The following PPP2R1A variants were observed in gnomAD, a reference collection of about 807,000 sequenced individuals.
The protein encoded by PPP2R1A is protein phosphatase 2 scaffold subunit Aalpha.
A neutral mutation model predicts 67.1 loss-of-function variants in PPP2R1A; 15 were observed. That is an observed-to-expected ratio of 0.22 (90% CI 0.15 to 0.34). The LOEUF (loss-of-function observed/expected upper bound fraction) is 0.34, where lower values mean the gene tolerates loss of function less well. Ranked by LOEUF, PPP2R1A falls within the 10% of genes least tolerant of loss-of-function variation. The probability of loss-of-function intolerance (pLI) is 1.00; values close to 1 mark genes in which losing one functional copy is unlikely to be tolerated. For synonymous variants in PPP2R1A, 337 were observed against 325.0 expected (o/e 1.04, Z -0.40); for missense variants, 369 against 775.0 (o/e 0.48, Z 6.22).
chr19:52,219,655 T>C lies in PPP2R1A; in HGVS notation c.1129-36T>C. ...ATCCTGTCCTGGGTTGCTGTGTGCA[T>C]TGCATTCTCTCAGAATCCTTCTTTC... is the stretch of plus-strand genomic sequence containing the variant. On this transcript the variant is annotated intron_variant, in intron 9 of 14. Transcript: ENST00000322088. This position sits in a 1 kb window ranked among gnomAD's most constrained non-coding sequence, Gnocchi z 4.0. 1 of 1,579,996 alleles carries C rather than the reference T, an allele frequency of 6.3e-7. No individual in the cohort carries two copies. Among genetic ancestry groups the C allele is most frequent in the Non-Finnish European group, 8.7e-7 (1 of 1,155,830 alleles).
intron 10 of PPP2R1A, 24 bp from the exon 11 acceptor site, chr19:52,220,165 T>C: frequency 6.2e-7 from 1 of 1,612,488 alleles, no homozygotes; most frequent in Non-Finnish European, 8.5e-7. Flanking sequence ...ACGCTTACCT[T>C]GGAACCCTTG....
chr19:52,206,952 C>G (rs1299000660), intron 3 of PPP2R1A, among the ~76,000 whole-genome samples: 1 of 151,980 alleles, frequency 6.6e-6, no homozygotes, highest in Non-Finnish European at 1.5e-5. Context: ...TTAGCAGCAG[C>G]CTTTCTCCTA....
rs1180438983 is a variant in PPP2R1A, at chr19:52,213,434, C to T, written c.807+324C>T. 6.7e-6 allele frequency among the ~76,000 whole-genome samples: 1 copy of T among 148,482 alleles called. No homozygotes were observed. Among genetic ancestry groups the T allele is most frequent in the Non-Finnish European group, 1.5e-5 (1 of 67,482 alleles). Reference sequence around the variant, plus strand: ...GTCCTTTCACAAAGGGGAAGACAGCCCAAAAAGGTGGGGTTTTTTGGTGTT... The same window carrying T: ...GTCCTTTCACAAAGGGGAAGACAGCTCAAAAAGGTGGGGTTTTTTGGTGTT... On this transcript the variant is annotated intron_variant, in intron 6 of 14. Coordinates refer to ENST00000322088, the MANE Select transcript of PPP2R1A (RefSeq NM_014225.6). The surrounding 1 kb of genome is among the most constrained non-coding windows in gnomAD (Gnocchi z 4.2).
chr19:52,205,054 C>T (rs1361232390), intron 2 of PPP2R1A, among the ~76,000 whole-genome samples: 1 of 152,236 alleles, frequency 6.6e-6, no homozygotes, highest in Non-Finnish European at 1.5e-5. Context: ...CCACCACTTA[C>T]ACTCACACCC....
chr19:52,208,691 G>T (rs1463694190), intron 3 of PPP2R1A, among the ~76,000 whole-genome samples: 1 of 151,968 alleles, frequency 6.6e-6, no homozygotes, highest in Non-Finnish European at 1.5e-5. Flanking sequence ...GTAGAGACAG[G>T]GTTTCACCAT....
intron 1 of PPP2R1A, among the ~76,000 whole-genome samples, chr19:52,193,632 C>T (rs2089473164): frequency 6.6e-6 from 1 of 152,078 alleles, no homozygotes; most frequent in Non-Finnish European, 1.5e-5. Flanking sequence ...GTCGTCCAGG[C>T]CGTCTCTGCT....
rs945817997 is a variant in PPP2R1A at position 52,212,983 on chromosome 19, C to T, written c.680C>T (p.Ala227Val). Reference sequence around the variant, plus strand: ...TCGGTGCGGCTGCTGGCGGTGGAGGCGTGCGTGAACATCGCCCAGCTTCTG... The same window carrying T: ...TCGGTGCGGCTGCTGGCGGTGGAGGTGTGCGTGAACATCGCCCAGCTTCTG... ...QDSVRLLAVEACVNIAQLLPQ... is the reference protein window; with the variant it reads ...QDSVRLLAVEVCVNIAQLLPQ... The change falls in exon 6 of 15, where the codon GCG becomes GTG. Residue 227 changes from alanine to valine, a missense_variant. By Grantham distance (64) the Ala-to-Val change is moderately conservative (BLOSUM62 0). This residue lies in a region of PPP2R1A where 276 missense variants were observed against 508.4 expected (regional missense o/e 0.54). Coordinates refer to ENST00000322088, the MANE Select transcript of PPP2R1A (RefSeq NM_014225.6). This position sits in a 1 kb window ranked among gnomAD's most constrained non-coding sequence, Gnocchi z 4.1. 8.1e-6 allele frequency: 13 copies of T among 1,607,080 alleles called. No individual in the cohort carries two copies. Among genetic ancestry groups the T allele is most frequent in the East Asian group, 2.2e-5 (1 of 44,864 alleles).
chr19:52,226,593 C>T lies in PPP2R1A; in HGVS notation c.*612C>T, dbSNP rs1031809344. On this transcript the variant is annotated 3_prime_UTR_variant, in exon 15 of 15. Coordinates refer to ENST00000322088, the MANE Select transcript of PPP2R1A (RefSeq NM_014225.6). ...GCTGCTGGCCTTTGGGGTAGAGGGTCCATGAGGTGCTCTGGGTGGTGTCCT... is the reference window on the plus strand; with the variant it reads ...GCTGCTGGCCTTTGGGGTAGAGGGTTCATGAGGTGCTCTGGGTGGTGTCCT... 1.0e-5 allele frequency: 2 copies of T among 191,040 alleles called. No individual in the cohort carries two copies. The highest frequency in any genetic ancestry group is 4.7e-5 in the African/African-American group (2 of 42,870). 11.8% of individuals were successfully genotyped at this position (191,040 alleles called of 1,614,324 possible).
In PPP2R1A at chr19:52,212,009, G is replaced by A. The variant is rs558577149; in HGVS notation, c.503+517G>A. On this transcript the variant is annotated intron_variant, in intron 4 of 14. Transcript: ENST00000322088. This position sits in a 1 kb window ranked among gnomAD's most constrained non-coding sequence, Gnocchi z 4.1. Reference sequence around the variant, plus strand: ...TTAGATACTTACACTGGCCCCCACCGCCTTTGATCGAAGCAATTGCTGCTG... The same window carrying A: ...TTAGATACTTACACTGGCCCCCACCACCTTTGATCGAAGCAATTGCTGCTG... Among the ~76,000 whole-genome samples the A allele has an allele frequency of 6.6e-6, 1 of 152,280 alleles. No homozygotes were observed. Among genetic ancestry groups the A allele is most frequent in the South Asian group, 2.1e-4 (1 of 4,830 alleles).
intron 9 of PPP2R1A, among the ~76,000 whole-genome samples, chr19:52,217,001 C>T (rs973712566): frequency 2.0e-5 from 3 of 152,096 alleles, no homozygotes; most frequent in Non-Finnish European, 2.9e-5. Context: ...ACCAGCCTGG[C>T]CAACATGATG....
rs1392789264 is a variant in PPP2R1A at position 52,225,804 on chromosome 19, G to C, written c.1749G>C (p.Leu583=). ...TCAAATACTTTGCCCAGGAGGCTCT[G>C]ACTGGTAAGACCTAGAAAGCACGGA... is the stretch of plus-strand genomic sequence containing the variant. ...VDVKYFAQEA[L]TVLSLA The change falls in exon 14 of 15, where the codon CTG becomes CTC. Residue 583 remains leucine (L), a synonymous_variant. Transcript: ENST00000322088. 4.3e-6 allele frequency: 7 copies of C among 1,613,904 alleles called. No homozygotes were observed. The highest frequency in any genetic ancestry group is 5.9e-6 in the Non-Finnish European group (7 of 1,179,866).
rs1978959747 is a variant in PPP2R1A at position 52,221,953 on chromosome 19, G to A, written c.1519-146G>A. On this transcript the variant is annotated intron_variant, in intron 12 of 14. Transcript: ENST00000322088. ...GTTAGGATGGTGTTAGTGGAGTTGGGAGATTCACTCCACTAACTGAGTCAC... is the reference window on the plus strand; with the variant it reads ...GTTAGGATGGTGTTAGTGGAGTTGGAAGATTCACTCCACTAACTGAGTCAC... 3 of 718,356 alleles carry A rather than the reference G, an allele frequency of 4.2e-6. No homozygotes were observed. The South Asian group carries it at 5.9e-5, about 14-fold the overall frequency. 44.5% of individuals were successfully genotyped at this position (718,356 alleles called of 1,614,324 possible). A position where few individuals can be genotyped will look rare whatever the true frequency, so the allele number is the denominator to read the frequency against.
chr19:52,200,816 A>C (rs1352567447), intron 1 of PPP2R1A, among the ~76,000 whole-genome samples: 1 of 152,208 alleles, frequency 6.6e-6, no homozygotes, highest in African/African-American at 2.4e-5. Flanking sequence ...TCCCCTCTGT[A>C]TCTGTCTTCC....
chr19:52,216,217 A>C lies in PPP2R1A; in HGVS notation c.993+143A>C, dbSNP rs1235943825. On this transcript the variant is annotated intron_variant, in intron 8 of 14. Transcript: ENST00000322088. The surrounding 1 kb of genome is among the most constrained non-coding windows in gnomAD (Gnocchi z 4.3). ...GGCAGCTCTTGGGTTTCAAGCAGTTAGGGGTCCTGACTGCAGCTTGAGGCT... is the reference window on the plus strand; with the variant it reads ...GGCAGCTCTTGGGTTTCAAGCAGTTCGGGGTCCTGACTGCAGCTTGAGGCT... 1.1e-6 allele frequency: 1 copy of C among 931,338 alleles called. No individual in the cohort carries two copies. Among genetic ancestry groups the C allele is most frequent in the East Asian group, 2.6e-5 (1 of 38,764 alleles). 57.7% of individuals were successfully genotyped at this position (931,338 alleles called of 1,614,324 possible).
chr19:52,199,709 G>A lies in PPP2R1A; in HGVS notation c.79-2235G>A, dbSNP rs1419920460. Among the ~76,000 whole-genome samples the A allele has an allele frequency of 2.0e-5, 3 of 152,160 alleles. No individual in the cohort carries two copies. In the East Asian group the frequency reaches 5.8e-4, roughly 29 times the overall value. On this transcript the variant is annotated intron_variant, in intron 1 of 14. Coordinates refer to ENST00000322088, the MANE Select transcript of PPP2R1A (RefSeq NM_014225.6). ...CAAAGCTGAAAATAATTACTGTCTG[G>A]CAATGTATAGAATAAGTTTTGCTGA...
intron 1 of PPP2R1A, chr19:52,190,899 G>C (rs2089448165): frequency 6.6e-6 from 1 of 152,430 alleles, no homozygotes; most frequent in Non-Finnish European, 1.5e-5. Context: ...TGTCGCCCAG[G>C]CTGGGGCTGG....
At chr19:52,196,645 C>G (rs2089499053) in intron 1 of PPP2R1A, among the ~76,000 whole-genome samples, 1 of 151,586 alleles carries the variant, frequency 6.6e-6, no homozygotes, top group Non-Finnish European at 1.5e-5. Context: ...AGTAGAAAAA[C>G]TCTAAATAAC....
chr19:52,212,780 A>G lies in PPP2R1A; in HGVS notation c.598A>G (p.Asn200Asp), dbSNP rs2122335431. ...GTTTGCCAAGGTGCTGGAGCTGGAC[A>G]ACGTCAAGAGTGAGATCATCCCCAT... is the stretch of plus-strand genomic sequence containing the variant. ...GEFAKVLELD[N>D]VKSEIIPMFS... Residue 200 changes from asparagine to aspartate, a missense_variant, in exon 5 of 15, where the codon AAC becomes GAC. By Grantham distance (23) the Asn-to-Asp change is conservative. Coordinates refer to ENST00000322088, the MANE Select transcript of PPP2R1A (RefSeq NM_014225.6). The surrounding 1 kb of genome is among the most constrained non-coding windows in gnomAD (Gnocchi z 4.1). The G allele has an allele frequency of 6.2e-7, 1 of 1,613,570 alleles. No homozygotes were observed. Among genetic ancestry groups the G allele is most frequent in the Non-Finnish European group, 8.5e-7 (1 of 1,179,848 alleles).
At chr19:52,208,475 G>A (rs2089630148) in intron 3 of PPP2R1A, among the ~76,000 whole-genome samples, 3 of 151,560 alleles carry the variant, frequency 2.0e-5, no homozygotes, top group South Asian at 2.1e-4. Context: ...GGGTGTGAGG[G>A]TTGTTTCTGT....
Sources: allele counts gnomAD v4.1 joint callset (sites outside exome capture counted in the v4.1 genomes callset), GRCh38; gene constraint gnomAD v4.1.1; regional missense constraint gnomAD v4.1.1; non-coding constraint Gnocchi (gnomAD v3.1); transcripts MANE v1.5; gene names NCBI Gene and HGNC (gene_info 2026-07-23, HGNC 2026-07-21).